The following TBC1D9 variants were observed in gnomAD, a reference collection of about 807,000 sequenced individuals.
TBC1D9 encodes the protein TBC1 domain family member 9A.
Under a neutral mutation model 132.0 loss-of-function variants are expected in TBC1D9, and 63 were observed. That is an observed-to-expected ratio of 0.48 (90% CI 0.39 to 0.59). The LOEUF is 0.59. Ranked by LOEUF, TBC1D9 falls within the 20% of genes least tolerant of loss-of-function variation. The probability of loss-of-function intolerance (pLI) is 0.00; values close to 1 mark genes in which losing one functional copy is unlikely to be tolerated. For missense variants in TBC1D9, 1,261 were observed against 1,592.7 expected (o/e 0.79, Z 3.54); for synonymous variants, 610 against 609.9 (o/e 1.00, Z 0.00).
At chr4:140,637,457 T>C (rs1736899040) in intron 15 of TBC1D9, among the ~76,000 whole-genome samples, 1 of 152,118 alleles carries the variant, frequency 6.6e-6, no homozygotes, top group Admixed American at 6.5e-5. Context: ...GTCAGCCTCC[T>C]CTGTCCGCTG....
chr4:140,753,212 T>C (rs925096380), intron 1 of TBC1D9, among the ~76,000 whole-genome samples: 9 of 152,182 alleles, frequency 5.9e-5, no homozygotes, highest in African/African-American at 1.4e-4. Context: ...CCTGGGAGGC[T>C]GATCCCAAGA....
At chr4:140,696,317 C>T (rs529690031) in intron 2 of TBC1D9, among the ~76,000 whole-genome samples, 3 of 151,704 alleles carry the variant, frequency 2.0e-5, no homozygotes, top group East Asian at 1.9e-4. Flanking sequence ...ATTACCCAGG[C>T]GTGGTGGCAG....
In TBC1D9 at chr4:140,646,300, G is replaced by A. The variant is rs570825109; in HGVS notation, c.2338-6872C>T. Among the ~76,000 whole-genome samples the A allele has an allele frequency of 5.3e-5, 8 of 152,240 alleles. No individual in the cohort carries two copies. In the South Asian group the frequency reaches 8.3e-4, roughly 16 times the overall value. ...CCCAGGTCGTCTGATTTGAGAACTC[G>A]TGCTCTTAGCTCCATCCCGGGGAAA... On this transcript the variant is annotated intron_variant, in intron 13 of 20. Coordinates refer to ENST00000442267, the MANE Select transcript of TBC1D9 (RefSeq NM_015130.3).
intron 20 of TBC1D9, among the ~76,000 whole-genome samples, 156 bp from the exon 21 acceptor site, chr4:140,623,073 T>C (rs941635964): frequency 6.6e-6 from 1 of 152,146 alleles, no homozygotes; most frequent in Admixed American, 6.5e-5. Context: ...CTCCTATTGA[T>C]GTTTCTATTT....
intron 13 of TBC1D9, among the ~76,000 whole-genome samples, chr4:140,652,745 G>A (rs571371694): frequency 1.2e-4 from 18 of 152,322 alleles, no homozygotes; most frequent in Admixed American, 1.1e-3. Flanking sequence ...CCCACACATG[G>A]CAGGCTCTCG....
At chr4:140,702,470 G>A (rs1187990079) in intron 1 of TBC1D9, among the ~76,000 whole-genome samples, 3 of 152,240 alleles carry the variant, frequency 2.0e-5, no homozygotes, top group Non-Finnish European at 4.4e-5. Context: ...AAAGGTGGAA[G>A]GTGCCTCTAA....
chr4:140,644,307 G>A (rs1220883222), intron 13 of TBC1D9: 5 of 288,582 alleles, frequency 1.7e-5, no homozygotes, highest in Admixed American at 9.6e-5. Context: ...ACCCGGGGTG[G>A]ACAGCAGGGA....
At position 140,752,129 on chromosome 4, in the gene TBC1D9, C is replaced by T. The variant is rs118083113; in HGVS notation, c.130+3787G>A. Among the ~76,000 whole-genome samples the T allele has an allele frequency of 7.2e-5, 11 of 152,218 alleles. No homozygotes were observed. In the East Asian group the frequency reaches 1.9e-3, roughly 27 times the overall value. On this transcript the variant is annotated intron_variant, in intron 1 of 20. Transcript: ENST00000442267. ...GAAACATGCCCCAAAATGACCATAG[C>T]CACATTATCCATAATGCCCCCAAAT...
At chr4:140,731,420 G>A (rs1036334526) in intron 1 of TBC1D9, among the ~76,000 whole-genome samples, 8 of 152,104 alleles carry the variant, frequency 5.3e-5, no homozygotes, top group Non-Finnish European at 8.8e-5. Flanking sequence ...GGCTGGGTGA[G>A]GTGGCTCACA....
rs1489289030 is a variant in TBC1D9 at position 140,706,382 on chromosome 4, G to A, written c.131-4768C>T. Among the ~76,000 whole-genome samples, 1 of 152,118 alleles carries A rather than the reference G, an allele frequency of 6.6e-6. No individual in the cohort carries two copies. The highest frequency in any genetic ancestry group is 2.4e-5 in the African/African-American group (1 of 41,440). On this transcript the variant is annotated intron_variant, in intron 1 of 20. Transcript: ENST00000442267. The surrounding 1 kb of genome is among the most constrained non-coding windows in gnomAD (Gnocchi z 4.0). ...CCAGCCAGTCCCTTAATCTCTCTGTGCCCCTGCTTCCTGATAAAGAAATAA... is the reference window on the plus strand; with the variant it reads ...CCAGCCAGTCCCTTAATCTCTCTGTACCCCTGCTTCCTGATAAAGAAATAA...
At chr4:140,652,109 T>C (rs538089609) in intron 13 of TBC1D9, among the ~76,000 whole-genome samples, 3 of 152,102 alleles carry the variant, frequency 2.0e-5, no homozygotes, top group African/African-American at 7.2e-5. Context: ...GCCTTGGTGG[T>C]GCACGCCTGT....
chr4:140,749,117 G>A (rs1218773744), intron 1 of TBC1D9, among the ~76,000 whole-genome samples: 2 of 151,996 alleles, frequency 1.3e-5, no homozygotes, highest in East Asian at 3.8e-4. Context: ...TCTAATATCA[G>A]CAATTTGGGA....
At chr4:140,712,512 G>A (rs1738261390) in intron 1 of TBC1D9, among the ~76,000 whole-genome samples, 1 of 141,082 alleles carries the variant, frequency 7.1e-6, no homozygotes, top group Non-Finnish European at 1.5e-5. Flanking sequence ...GGAGGCCCAG[G>A]CGGGCAAATC....
chr4:140,755,065 T>G (rs939927366), intron 1 of TBC1D9, among the ~76,000 whole-genome samples: 2 of 152,200 alleles, frequency 1.3e-5, no homozygotes, highest in African/African-American at 4.8e-5. Context: ...ACCTCTACTA[T>G]TTCTTCTGCT....
At chr4:140,755,794 G>C (rs1281145033) in intron 1 of TBC1D9, 122 bp downstream of exon 1, 1 of 1,354,004 alleles carries the variant, frequency 7.4e-7, no homozygotes, top group African/African-American at 1.6e-5. Context: ...CATACAACGA[G>C]GCAGGGCGGG....
At chr4:140,629,657 A>G (rs1001281856) in intron 16 of TBC1D9, among the ~76,000 whole-genome samples, 1 of 152,154 alleles carries the variant, frequency 6.6e-6, no homozygotes, top group Non-Finnish European at 1.5e-5. Context: ...TAATTTCTCA[A>G]TCAATATCCC....
chr4:140,638,839 T>A (rs1736919687), intron 15 of TBC1D9, among the ~76,000 whole-genome samples: 1 of 152,208 alleles, frequency 6.6e-6, no homozygotes. Context: ...TATGAAGCAA[T>A]AACCTATTTT....
At chr4:140,714,183 C>CA (rs1283513819) in intron 1 of TBC1D9, among the ~76,000 whole-genome samples, 1 of 151,820 alleles carries the variant, frequency 6.6e-6, no homozygotes, top group Non-Finnish European at 1.5e-5. Flanking sequence ...CCCTTGTTGG[C>CA]AAAAAAGAGT....
intron 9 of TBC1D9, among the ~76,000 whole-genome samples, chr4:140,665,701 G>A (rs1399869409): frequency 2.6e-5 from 4 of 152,048 alleles, no homozygotes; most frequent in East Asian, 1.9e-4. Context: ...TTCTGAGAGA[G>A]GGTCTTGCTG....
Sources: allele counts gnomAD v4.1 joint callset (sites outside exome capture counted in the v4.1 genomes callset), GRCh38; gene constraint gnomAD v4.1.1; non-coding constraint Gnocchi (gnomAD v3.1); transcripts MANE v1.5; gene names NCBI Gene and HGNC (gene_info 2026-07-23, HGNC 2026-07-21).